The following SUGCT variants were observed in gnomAD, a reference collection of about 807,000 sequenced individuals.
SUGCT encodes the protein succinyl-CoA:glutarate-CoA transferase, also known as succinyl-CoA:glutarate CoA-transferase.
A neutral mutation model predicts 55.0 loss-of-function variants in SUGCT; 41 were observed. That is an observed-to-expected ratio of 0.74 (90% CI 0.58 to 0.97). The LOEUF (loss-of-function observed/expected upper bound fraction) is 0.97. Ranked by LOEUF, SUGCT falls within the 50% of genes least tolerant of loss-of-function variation. The pLI is 0.00. For synonymous variants in SUGCT, 187 were observed against 200.4 expected, an observed-to-expected ratio of 0.93 and a Z score of 0.56; for missense variants, 568 against 547.8, an observed-to-expected ratio of 1.04 and a Z score of -0.37.
At chr7:40,772,142 C>G (rs950088065) in intron 13 of SUGCT, among the ~76,000 whole-genome samples, 9 of 152,126 alleles carry the variant, frequency 5.9e-5, no homozygotes, top group African/African-American at 2.2e-4. Context: ...TGAACTTTCC[C>G]TTCCTCCTCC....
intron 6 of SUGCT, among the ~76,000 whole-genome samples, chr7:40,203,994 AT>A (rs1171151485): frequency 5.9e-4 from 86 of 146,386 alleles, no homozygotes; most frequent in South Asian, 1.1e-3. Context: ...TTCCTTGTGA[AT>A]TTTTTTTTTT....
chr7:40,219,294 G>A (rs907208067), intron 6 of SUGCT, among the ~76,000 whole-genome samples: 4 of 152,274 alleles, frequency 2.6e-5, no homozygotes, highest in African/African-American at 7.2e-5. Context: ...GCGAGGGTCC[G>A]CAGCTTAATT....
intron 6 of SUGCT, among the ~76,000 whole-genome samples, chr7:40,229,458 G>T (rs980598638): frequency 6.6e-6 from 1 of 151,594 alleles, no homozygotes; most frequent in Non-Finnish European, 1.5e-5. Context: ...GGTGGAGGTT[G>T]CAGTGAGCCG....
At chr7:41,012,614 T>A in the SUGCT span, among the ~76,000 whole-genome samples, 8,692 of 152,222 alleles carry the variant, frequency 0.057, 818 homozygotes, top group African/African-American at 0.2. Context: ...AATCTTGGCT[T>A]ATAAAAAACA....
At chr7:40,441,582 TA>T (rs557805034) in intron 9 of SUGCT, among the ~76,000 whole-genome samples, 1 of 152,120 alleles carries the variant, frequency 6.6e-6, no homozygotes, top group Non-Finnish European at 1.5e-5. Context: ...GATAGGATGT[TA>T]AAAAAATGCA....
At chr7:41,000,155 A>T in the SUGCT span, among the ~76,000 whole-genome samples, 1 of 152,140 alleles carries the variant, frequency 6.6e-6, no homozygotes, top group African/African-American at 2.4e-5. Context: ...GTTCTTATTA[A>T]GCATCATTAT....
At chr7:40,857,854 G>T (rs1000855253) in intron 13 of SUGCT, among the ~76,000 whole-genome samples, 1 of 152,110 alleles carries the variant, frequency 6.6e-6, no homozygotes, top group African/African-American at 2.4e-5. Context: ...AGGAGAAGCT[G>T]CTTGATCACT....
At chr7:40,199,780 T>G (rs1318791435) in intron 6 of SUGCT, among the ~76,000 whole-genome samples, 1 of 145,020 alleles carries the variant, frequency 6.9e-6, no homozygotes. Flanking sequence ...TACATGTCAT[T>G]TAATGAAGTT....
At chr7:41,019,817 C>T in the SUGCT span, among the ~76,000 whole-genome samples, 10 of 152,258 alleles carry the variant, frequency 6.6e-5, no homozygotes, top group Non-Finnish European at 1.3e-4. Context: ...TTTTCTTGGG[C>T]TTTCATGACA....
chr7:40,153,488 C>T (rs922813883), intron 1 of SUGCT: 2 of 368,748 alleles, frequency 5.4e-6, no homozygotes, highest in Non-Finnish European at 1.1e-5. Context: ...CGAGTCTCCA[C>T]TGAAGACGTA....
In SUGCT at chr7:40,673,274, C is replaced by G. The variant is rs376017552; in HGVS notation, c.1090-76160C>G. On this transcript the variant is annotated intron_variant, in intron 12 of 13. Coordinates refer to ENST00000335693, the MANE Select transcript of SUGCT (RefSeq NM_001193313.2). ...TCAGGAGAACTTCTCATCTTTGCCCCTTAATCACTGATTTGATCTTCTGTA... is the reference window on the plus strand; with the variant it reads ...TCAGGAGAACTTCTCATCTTTGCCCGTTAATCACTGATTTGATCTTCTGTA... Among the ~76,000 whole-genome samples, 74 of 152,224 alleles carry G rather than the reference C, an allele frequency of 4.9e-4. 4 individuals are homozygous for G. The South Asian group carries it at 0.01, about 21-fold the overall frequency.
chr7:40,321,324 A>G (rs1584674893), intron 9 of SUGCT, among the ~76,000 whole-genome samples: 3 of 151,428 alleles, frequency 2.0e-5, no homozygotes, highest in African/African-American at 4.9e-5. Context: ...TAATCTGCCC[A>G]CCTCGGCCTC....
At chr7:40,486,497 A>G (rs1791357365) in intron 11 of SUGCT, among the ~76,000 whole-genome samples, 1 of 151,386 alleles carries the variant, frequency 6.6e-6, no homozygotes, top group Non-Finnish European at 1.5e-5. Flanking sequence ...TAATATTTCC[A>G]TTGATTTATA....
At chr7:40,250,536 T>C (rs1790298230) in intron 7 of SUGCT, among the ~76,000 whole-genome samples, 2 of 152,126 alleles carry the variant, frequency 1.3e-5, no homozygotes, top group Admixed American at 6.6e-5. Flanking sequence ...TAATAGTTGG[T>C]AAGCATCAAT....
chr7:40,755,451 A>C (rs576074027), intron 13 of SUGCT, among the ~76,000 whole-genome samples: 1 of 152,352 alleles, frequency 6.6e-6, no homozygotes, highest in East Asian at 1.9e-4. Context: ...TGTAAATTTC[A>C]CCTTATTTGT....
intron 6 of SUGCT, among the ~76,000 whole-genome samples, chr7:40,196,962 G>A (rs1786326442): frequency 6.6e-6 from 1 of 152,056 alleles, no homozygotes; most frequent in African/African-American, 2.4e-5. Context: ...AGCCACCCGA[G>A]TAGATGGGAT....
chr7:40,793,524 C>T (rs992788847), intron 13 of SUGCT, among the ~76,000 whole-genome samples: 5 of 152,020 alleles, frequency 3.3e-5, no homozygotes, highest in South Asian at 2.1e-4. Context: ...CTTTCTCCTT[C>T]GACTTTTAAA....
chr7:40,442,197 C>T (rs1178147116), intron 9 of SUGCT, among the ~76,000 whole-genome samples: 3 of 152,226 alleles, frequency 2.0e-5, no homozygotes, highest in East Asian at 3.9e-4. Flanking sequence ...ATTCAAGTCC[C>T]TTCTCTAATG....
At chr7:40,450,909 T>A (rs2329776) in intron 10 of SUGCT, among the ~76,000 whole-genome samples, 43,400 of 151,920 alleles carry the variant, frequency 0.29, 8,091 homozygotes, top group African/African-American at 0.53. Context: ...CAGCAAAGGG[T>A]TGGGAAGGAC....
Sources: gnomAD v4.1 joint callset for allele counts (sites outside exome capture counted in the v4.1 genomes callset) on GRCh38, gnomAD v4.1.1 for gene constraint, MANE v1.5 for transcripts, NCBI Gene and HGNC (gene_info 2026-07-23, HGNC 2026-07-21) for gene names.